DNAJC27: variants seen among roughly 807,000 people sequenced by gnomAD.
DNAJC27 encodes dnaJ homolog subfamily C member 27.
In DNAJC27, 25 loss-of-function variants were observed where a neutral mutation model predicts 31.4. The observed-to-expected ratio is 0.80, with a 90% CI of 0.58 to 1.11. The LOEUF is 1.11. Ranked by LOEUF, DNAJC27 falls within the 50% of genes most tolerant of loss-of-function variation. DNAJC27 has a pLI of 0.00. For synonymous variants in DNAJC27, 106 were observed against 112.7 expected, an observed-to-expected ratio of 0.94 and a Z score of 0.37; for missense variants, 356 against 347.3, an observed-to-expected ratio of 1.02 and a Z score of -0.20.
At chr2:24,963,199 A>G in intron 3 of DNAJC27, 1 of 403,660 alleles carries the variant, frequency 2.5e-6, no homozygotes, top group Admixed American at 4.3e-5. Context: ...AATATTGGCA[A>G]TGAAATTTCC....
At chr2:24,957,213 T>C in intron 4 of DNAJC27, 48 bp from the exon 5 acceptor site, 1 of 1,537,250 alleles carries the variant, frequency 6.5e-7, no homozygotes, top group Non-Finnish European at 8.7e-7. Flanking sequence ...AATCTTGTCC[T>C]ACTAGAATGG....
Position 24,967,234 on chromosome 2 carries a change from A to T in DNAJC27, c.147T>A (p.Ile49=), listed in dbSNP as rs756994572. 1.2e-6 allele frequency: 2 copies of T among 1,613,784 alleles called. No individual in the cohort carries two copies. The highest frequency in any genetic ancestry group is 1.7e-5 in the Admixed American group (1 of 60,018). Residue 49 remains isoleucine (I), a synonymous_variant, in exon 2 of 7, where the codon ATT becomes ATA. Coordinates refer to ENST00000264711, the MANE Select transcript of DNAJC27 (RefSeq NM_016544.3). ...KRFVSKYLAT[I]GIDYGVTKVH... is the part of the protein sequence containing the mutation. ...ACTTTGTGACTCCATAGTCAATTCCAATTGTTGCCAGGTATTTAGACACGA... is the reference window on the plus strand; with the variant it reads ...ACTTTGTGACTCCATAGTCAATTCCTATTGTTGCCAGGTATTTAGACACGA...
In DNAJC27 at chr2:24,945,934, T is replaced by G. The variant is rs1169709285; in HGVS notation, c.*1682A>C. The G allele has an allele frequency of 6.6e-6, 1 of 152,208 alleles. No homozygotes were observed. The allele number at this position is 152,208 out of a possible 1,614,324, so 9.4% of individuals were successfully genotyped here. On this transcript the variant is annotated 3_prime_UTR_variant, in exon 7 of 7. Coordinates refer to ENST00000264711, the MANE Select transcript of DNAJC27 (RefSeq NM_016544.3). Reference sequence around the variant, plus strand: ...AGGTAAGGTAGATGCTCTTTGGCAATCGATATGGGATAGCTTTTTAAAATT... The same window carrying G: ...AGGTAAGGTAGATGCTCTTTGGCAAGCGATATGGGATAGCTTTTTAAAATT...
At position 24,957,098 on chromosome 2, in the gene DNAJC27, A is replaced by C; in HGVS notation, c.473T>G (p.Phe158Cys). 1 of 1,610,696 alleles carries C rather than the reference A, an allele frequency of 6.2e-7. No individual in the cohort carries two copies. ...TTGTGCTGAAGTTTCAAAGTACAGG[A>C]ACCCTTTGCTTTCAGCCCAAAGACG... ...EGRLWAESKGFLYFETSAQTG... is the reference protein window; with the variant it reads ...EGRLWAESKGCLYFETSAQTG... Residue 158 changes from phenylalanine to cysteine, a missense_variant, in exon 5 of 7, where the codon TTC becomes TGC. By Grantham distance (205) the Phe-to-Cys change is radical. Transcript: ENST00000264711.
At chr2:24,970,772 A>AG (rs1666312222) in intron 1 of DNAJC27, among the ~76,000 whole-genome samples, 1 of 152,040 alleles carries the variant, frequency 6.6e-6, no homozygotes, top group Admixed American at 6.6e-5. Flanking sequence ...AAAAAAAAAA[A>AG]CACCTCGTAC....
chr2:24,962,945 T>C (rs753266752), intron 3 of DNAJC27, among the ~76,000 whole-genome samples: 7 of 152,186 alleles, frequency 4.6e-5, no homozygotes, highest in Middle Eastern at 3.2e-3. Flanking sequence ...GGTGATTACT[T>C]AGAGCTGGTA....
At chr2:24,963,724 A>G (rs1275042517) in intron 2 of DNAJC27, among the ~76,000 whole-genome samples, 3 of 152,234 alleles carry the variant, frequency 2.0e-5, no homozygotes, top group Non-Finnish European at 4.4e-5. Flanking sequence ...CTTCACTTCT[A>G]GAAACTTTGG....
chr2:24,957,586 T>C (rs2149125326), intron 4 of DNAJC27, among the ~76,000 whole-genome samples: 1 of 151,478 alleles, frequency 6.6e-6, no homozygotes, highest in South Asian at 2.1e-4. Context: ...ACCAACATCC[T>C]TCCCCATGTA....
At position 24,957,715 on chromosome 2, in the gene DNAJC27, C is replaced by T. The variant is rs73920630; in HGVS notation, c.405+95G>A. 1.1e-3 allele frequency: 1,280 copies of T among 1,166,758 alleles called. 9 individuals are homozygous for T. In the African/African-American group the frequency reaches 0.017, roughly 15 times the overall value. 72.3% of individuals were successfully genotyped at this position (1,166,758 alleles called of 1,614,324 possible). ...TGAAAGGTTATTGATTTCCATATTA[C>T]ACAATAAGGAATTTTTCTTTTCTTT... On this transcript the variant is annotated intron_variant, in intron 4 of 6. Transcript: ENST00000264711.
intron 6 of DNAJC27, among the ~76,000 whole-genome samples, chr2:24,948,700 G>A (rs1323580803): frequency 1.3e-5 from 2 of 152,216 alleles, no homozygotes; most frequent in Non-Finnish European, 2.9e-5. Flanking sequence ...AAAACTGGCT[G>A]GGGAGGGGCC....
chr2:24,958,740 C>G (rs1665970705), intron 3 of DNAJC27: 1 of 169,726 alleles, frequency 5.9e-6, no homozygotes, highest in African/African-American at 2.4e-5. Flanking sequence ...TGCATTCATT[C>G]TCTGGGCTTC....
In DNAJC27 at chr2:24,966,834, A is replaced by G. The variant is rs145582545; in HGVS notation, c.170+377T>C. Among the ~76,000 whole-genome samples, 1,416 of 152,362 alleles carry G rather than the reference A, an allele frequency of 9.3e-3. 21 individuals are homozygous for G. Among genetic ancestry groups the G allele is most frequent in the Admixed American group, 0.023 (351 of 15,312 alleles). On this transcript the variant is annotated intron_variant, in intron 2 of 6. Transcript: ENST00000264711. ...TCTCTGGTAGAAAATGTTCCACACA[A>G]TATTTATAGACTTTTTAGAGAGAAT...
At position 24,945,663 on chromosome 2, in the gene DNAJC27, T is replaced by C. The variant is rs1665631418; in HGVS notation, c.*1953A>G. 1 of 152,270 alleles carries C rather than the reference T, an allele frequency of 6.6e-6. No homozygotes were observed. The highest frequency in any genetic ancestry group is 6.5e-5 in the Admixed American group (1 of 15,286). 9.4% of individuals were successfully genotyped at this position (152,270 alleles called of 1,614,324 possible). On this transcript the variant is annotated 3_prime_UTR_variant, in exon 7 of 7. Transcript: ENST00000264711. ...CGAAGAACTCTGGGTTGGAGTTCTG[T>C]AGCCTCAGAAGCCAGTTAAAGGCCA... is the stretch of plus-strand genomic sequence containing the variant.
intron 5 of DNAJC27, among the ~76,000 whole-genome samples, 153 bp downstream of exon 5, chr2:24,956,890 C>A (rs1665916062): frequency 6.6e-6 from 1 of 152,166 alleles, no homozygotes; most frequent in African/African-American, 2.4e-5. Flanking sequence ...CTTTCTCTCC[C>A]CCTTTCTCTA....
At chr2:24,964,481 A>C (rs1269754334) in intron 2 of DNAJC27, among the ~76,000 whole-genome samples, 2 of 152,108 alleles carry the variant, frequency 1.3e-5, no homozygotes, top group Non-Finnish European at 2.9e-5. Flanking sequence ...ACAAAGATGA[A>C]TGTTTAAAAG....
chr2:24,967,660 C>T (rs1289386464), intron 1 of DNAJC27, among the ~76,000 whole-genome samples: 2 of 150,780 alleles, frequency 1.3e-5, no homozygotes, highest in African/African-American at 4.9e-5. Context: ...AGATTGCTGC[C>T]ATTGCACTCC....
intron 6 of DNAJC27, 31 bp downstream of exon 6, chr2:24,951,363 C>T (rs1480286757): frequency 6.3e-7 from 1 of 1,576,036 alleles, no homozygotes; most frequent in East Asian, 2.3e-5. Context: ...TTTATGATAG[C>T]AATCAGCACT....
intron 2 of DNAJC27, among the ~76,000 whole-genome samples, chr2:24,966,897 C>T (rs1392841058): frequency 6.6e-6 from 1 of 152,158 alleles, no homozygotes; most frequent in African/African-American, 2.4e-5. Flanking sequence ...GCTGGAAGGA[C>T]CTGCTAATAT....
intron 2 of DNAJC27, among the ~76,000 whole-genome samples, chr2:24,964,982 C>T (rs1020374260): frequency 6.6e-6 from 1 of 151,894 alleles, no homozygotes; most frequent in South Asian, 2.1e-4. Flanking sequence ...CCGAGGTGGA[C>T]GGATCACGAG....
Sources: gnomAD v4.1 joint callset for allele counts (sites outside exome capture counted in the v4.1 genomes callset) on GRCh38, gnomAD v4.1.1 for gene constraint, MANE v1.5 for transcripts, NCBI Gene and HGNC (gene_info 2026-07-23, HGNC 2026-07-21) for gene names.